The following CHMP5 variants were observed in gnomAD, a reference collection of about 807,000 sequenced individuals.
CHMP5 encodes charged multivesicular body protein 5.
In CHMP5, 17 loss-of-function variants were observed where a neutral mutation model predicts 33.0. The observed-to-expected ratio is 0.52, with a 90% CI of 0.35 to 0.77. The LOEUF (loss-of-function observed/expected upper bound fraction) is 0.77, where lower values mean the gene tolerates loss of function less well. Among genes scored for constraint, CHMP5 ranks in the 30% least tolerant of loss-of-function variants. The pLI is 0.01. For synonymous variants in CHMP5, 76 were observed against 90.2 expected, an observed-to-expected ratio of 0.84 and a Z score of 0.89; for missense variants, 216 against 261.5, an observed-to-expected ratio of 0.83 and a Z score of 1.20.
At chr9:33,270,491 G>A (rs990214166) in intron 3 of CHMP5, 132 bp from the exon 4 acceptor site, 7 of 670,252 alleles carry the variant, frequency 1.0e-5, no homozygotes, top group Admixed American at 3.0e-5. Flanking sequence ...ATTTTTCTGC[G>A]TGATACCTAA....
At chr9:33,276,268 G>T (rs575963328) in intron 5 of CHMP5, among the ~76,000 whole-genome samples, 188 bp from the exon 6 acceptor site, 1 of 152,292 alleles carries the variant, frequency 6.6e-6, no homozygotes, top group East Asian at 1.9e-4. Flanking sequence ...TTAAAAAATT[G>T]CTAGCCAAAG....
chr9:33,270,311 T>G (rs551389794), intron 3 of CHMP5, among the ~76,000 whole-genome samples: 2 of 152,302 alleles, frequency 1.3e-5, no homozygotes, highest in African/African-American at 4.8e-5. Flanking sequence ...CCACCTAGGT[T>G]TGTGTAAATA....
chr9:33,271,816 A>G (rs558789114), intron 5 of CHMP5, among the ~76,000 whole-genome samples: 3 of 152,308 alleles, frequency 2.0e-5, no homozygotes, highest in African/African-American at 7.2e-5. Context: ...GTATCTCTAC[A>G]CACACAATGC....
chr9:33,267,913 A>G lies in CHMP5; in HGVS notation c.221+14A>G, dbSNP rs1472558931. On this transcript the variant is annotated intron_variant, in intron 3 of 7. Transcript: ENST00000223500. ...GCAAAAGAGGATGTAAGTTACACAC[A>G]CAATTTCTACCTCTAGCAGGTTTAA... 3 of 1,585,590 alleles carry G rather than the reference A, an allele frequency of 1.9e-6. No individual in the cohort carries two copies. Among genetic ancestry groups the G allele is most frequent in the Non-Finnish European group, 2.6e-6 (3 of 1,154,246 alleles).
intron 7 of CHMP5, among the ~76,000 whole-genome samples, chr9:33,279,677 C>T (rs190003380): frequency 3.2e-4 from 49 of 152,018 alleles, no homozygotes; most frequent in African/African-American, 1.1e-3. Context: ...TCCTGGCCAA[C>T]ATGGTGAAAC....
At chr9:33,275,307 T>C (rs781334560) in intron 5 of CHMP5, among the ~76,000 whole-genome samples, 4 of 152,184 alleles carry the variant, frequency 2.6e-5, no homozygotes, top group Non-Finnish European at 5.9e-5. Context: ...ACAACTGCAT[T>C]TTTAGCCTTG....
chr9:33,280,269 G>A (rs181201808), intron 7 of CHMP5, among the ~76,000 whole-genome samples: 25 of 152,236 alleles, frequency 1.6e-4, no homozygotes, highest in Non-Finnish European at 3.2e-4. Context: ...GAGCCACCGC[G>A]CCCGGCCTGT....
At chr9:33,268,422 G>A (rs77649254) in intron 3 of CHMP5, among the ~76,000 whole-genome samples, 3,386 of 152,302 alleles carry the variant, frequency 0.022, 144 homozygotes, top group African/African-American at 0.077. Flanking sequence ...ATTTTGAGCA[G>A]AAGCTAACTA....
chr9:33,277,767 G>T, intron 6 of CHMP5: 1 of 180,270 alleles, frequency 5.5e-6, no homozygotes, highest in South Asian at 1.2e-4. Context: ...TCTATTGTGT[G>T]ATTCCCCTGT....
chr9:33,272,995 C>CA (rs1469145082), intron 5 of CHMP5, among the ~76,000 whole-genome samples: 3 of 152,106 alleles, frequency 2.0e-5, no homozygotes, highest in Non-Finnish European at 2.9e-5. Flanking sequence ...GTTGTTGAGA[C>CA]AGAGTCTCGT....
chr9:33,271,430 G>C (rs1820793269), intron 5 of CHMP5, among the ~76,000 whole-genome samples: 1 of 152,160 alleles, frequency 6.6e-6, no homozygotes. Context: ...GACAGTCCCC[G>C]ATTTAAGACG....
intron 2 of CHMP5, among the ~76,000 whole-genome samples, chr9:33,266,580 G>C (rs1044181177): frequency 6.6e-6 from 1 of 152,228 alleles, no homozygotes; most frequent in African/African-American, 2.4e-5. Flanking sequence ...CTTTAGGGAG[G>C]AGAGTTTGCA....
intron 5 of CHMP5, among the ~76,000 whole-genome samples, chr9:33,273,559 T>C (rs1820819627): frequency 1.3e-5 from 2 of 152,164 alleles, no homozygotes; most frequent in Non-Finnish European, 2.9e-5. Context: ...AGATCGAATT[T>C]TTTGGTCAGA....
At chr9:33,279,539 C>G (rs1286201856) in intron 7 of CHMP5, among the ~76,000 whole-genome samples, 1 of 151,994 alleles carries the variant, frequency 6.6e-6, no homozygotes, top group Non-Finnish European at 1.5e-5. Context: ...TTAATACTAC[C>G]ATAGTCCACC....
At chr9:33,275,962 T>C (rs1820849841) in intron 5 of CHMP5, among the ~76,000 whole-genome samples, 1 of 152,120 alleles carries the variant, frequency 6.6e-6, no homozygotes, top group Non-Finnish European at 1.5e-5. Context: ...TGAGCTGAGA[T>C]TGCACCATTG....
chr9:33,280,355 G>A (rs888779431), intron 7 of CHMP5, among the ~76,000 whole-genome samples: 1 of 152,212 alleles, frequency 6.6e-6, no homozygotes, highest in Non-Finnish European at 1.5e-5. Context: ...CATTGATAGT[G>A]ATGTCGCTGC....
intron 2 of CHMP5, among the ~76,000 whole-genome samples, chr9:33,266,623 TG>T (rs1820729747): frequency 6.6e-6 from 1 of 152,188 alleles, no homozygotes. Context: ...GGGATTGATC[TG>T]GTGGAAAGAG....
At chr9:33,268,627 T>A (rs2118017298) in intron 3 of CHMP5, among the ~76,000 whole-genome samples, 1 of 152,354 alleles carries the variant, frequency 6.6e-6, no homozygotes. Context: ...AAAAAGAAAT[T>A]GTAATGCCTA....
Position 33,278,147 on chromosome 9 carries a change from T to C in CHMP5, c.531T>C (p.Asp177=). 6.2e-7 allele frequency: 1 copy of C among 1,612,980 alleles called. No homozygotes were observed. ...CACTAGGTGATGAGCTTCTGGCTGA[T>C]GAAGACAGTTCTTATTTGGATGAGG... ...LDALGDELLA[D]EDSSYLDEAA... is the part of the protein sequence containing the mutation. Residue 177 remains aspartate (D), a synonymous_variant, in exon 7 of 8, where the codon GAT becomes GAC. Coordinates refer to ENST00000223500, the MANE Select transcript of CHMP5 (RefSeq NM_016410.6).
Sources: allele counts gnomAD v4.1 joint callset (sites outside exome capture counted in the v4.1 genomes callset), GRCh38; gene constraint gnomAD v4.1.1; transcripts MANE v1.5; gene names NCBI Gene and HGNC (gene_info 2026-07-23, HGNC 2026-07-21).